Variants in SYNE1 observed in about 807,000 individuals in gnomAD.
The protein encoded by SYNE1 is nesprin-1.
Under a neutral mutation model 1,111.0 loss-of-function variants are expected in SYNE1, and 616 were observed. That is an observed-to-expected ratio of 0.55 (90% CI 0.52 to 0.59). The LOEUF (loss-of-function observed/expected upper bound fraction) is 0.59, where lower values mean the gene tolerates loss of function less well. SYNE1 is among the 20% of genes least tolerant of loss of function. The pLI is 0.00. For missense variants in SYNE1, 10,006 were observed against 10,417.0 expected (o/e 0.96, Z 1.72); for synonymous variants, 3,855 against 3,825.8 (o/e 1.01, Z -0.28).
At chr6:152,451,760 C>T (rs759663132) in intron 25 of SYNE1, among the ~76,000 whole-genome samples, 13 of 151,968 alleles carry the variant, frequency 8.6e-5, no homozygotes, top group Non-Finnish European at 1.3e-4. Flanking sequence ...GGATTATAGG[C>T]GTGAGCCACT....
intron 74 of SYNE1, 143 bp downstream of exon 74, chr6:152,343,938 C>T: frequency 8.5e-7 from 1 of 1,181,996 alleles, no homozygotes; most frequent in Non-Finnish European, 1.2e-6. Flanking sequence ...ACATGAACTC[C>T]ACTAGAGCCA....
Position 152,242,450 on chromosome 6 carries a change from A to C in SYNE1, c.19693-10T>G. 6.2e-7 allele frequency: 1 copy of C among 1,613,848 alleles called. No homozygotes were observed. Reference sequence around the variant, plus strand: ...GCTCATCATACATGTCCTAAGAAGCAGAGACCACAAGACTCACTCTCAATT... The same window carrying C: ...GCTCATCATACATGTCCTAAGAAGCCGAGACCACAAGACTCACTCTCAATT... On this transcript the variant is annotated splice_polypyrimidine_tract_variant and intron_variant, in intron 106 of 145. Coordinates refer to ENST00000367255, the MANE Select transcript of SYNE1 (RefSeq NM_182961.4).
chr6:152,316,380 T>A (rs763076439), intron 87 of SYNE1: 67 of 195,368 alleles, frequency 3.4e-4, no homozygotes, highest in Non-Finnish European at 6.6e-4. Flanking sequence ...ATTATTTACG[T>A]CTTCATACAA....
intron 70 of SYNE1, 136 bp downstream of exon 70, chr6:152,351,891 C>T (rs953296101): frequency 3.9e-6 from 3 of 775,340 alleles, no homozygotes; most frequent in Admixed American, 4.1e-5. Flanking sequence ...CATGGCATCA[C>T]TGGTCAGCTG....
chr6:152,495,867 G>C (rs1438145657), intron 11 of SYNE1, among the ~76,000 whole-genome samples: 1 of 152,218 alleles, frequency 6.6e-6, no homozygotes, highest in African/African-American at 2.4e-5. Flanking sequence ...ATCTGTAAGG[G>C]TGCAACCTTC....
chr6:152,128,637 CTT>C (rs1351559336), intron 145 of SYNE1: 3 of 152,236 alleles, frequency 2.0e-5, no homozygotes, highest in Non-Finnish European at 4.4e-5. Context: ...AACTCAGTCT[CTT>C]TCTCCTCTCA....
intron 73 of SYNE1, among the ~76,000 whole-genome samples, chr6:152,344,930 T>C (rs1406880213): frequency 6.6e-6 from 1 of 152,222 alleles, no homozygotes; most frequent in African/African-American, 2.4e-5. Context: ...GATGTTTCCA[T>C]TTAGGAAAAA....
At chr6:152,517,147 ATTAT>A (rs932715687) in intron 6 of SYNE1, among the ~76,000 whole-genome samples, 2 of 152,334 alleles carry the variant, frequency 1.3e-5, no homozygotes, top group African/African-American at 4.8e-5. Flanking sequence ...AACAATGTAG[ATTAT>A]TTAAGGGCTA....
intron 115 of SYNE1, among the ~76,000 whole-genome samples, chr6:152,228,044 A>C (rs1464485134): frequency 1.3e-5 from 2 of 152,172 alleles, no homozygotes; most frequent in African/African-American, 4.8e-5. Context: ...CTGGGAAAAT[A>C]CTCAAGATTT....
chr6:152,215,413 T>G (rs1040376682), intron 121 of SYNE1, among the ~76,000 whole-genome samples: 4 of 152,170 alleles, frequency 2.6e-5, no homozygotes, highest in African/African-American at 9.6e-5. Flanking sequence ...TACTTGATTT[T>G]TATTACGTGT....
In SYNE1 at chr6:152,207,847, ATTTGAG is replaced by A. The variant is rs1304378983; in HGVS notation, c.22824+119_22824+124del. 4 of 904,222 alleles carry A rather than the reference ATTTGAG, an allele frequency of 4.4e-6. No homozygotes were observed. The East Asian group carries it at 1.0e-4, about 23-fold the overall frequency. 56.0% of individuals were successfully genotyped at this position (904,222 alleles called of 1,614,324 possible). On this transcript the variant is annotated intron_variant, in intron 125 of 145. Coordinates refer to ENST00000367255, the MANE Select transcript of SYNE1 (RefSeq NM_182961.4). The stretch of plus-strand genomic sequence containing the variant: ...AATCATTTTGTATATTTCTGTTGAC[ATTTGAG>A]AACAATGTTTGTCCCAGCTGCAATG...
chr6:152,581,644 T>G (rs1279804741), intron 3 of SYNE1, among the ~76,000 whole-genome samples: 1 of 152,128 alleles, frequency 6.6e-6, no homozygotes, highest in Non-Finnish European at 1.5e-5. Flanking sequence ...CCCTTTCCAG[T>G]TTTAGTGCAA....
chr6:152,366,391 G>A (rs942349002), intron 62 of SYNE1, among the ~76,000 whole-genome samples: 10 of 152,096 alleles, frequency 6.6e-5, no homozygotes, highest in African/African-American at 2.4e-4. Flanking sequence ...GCAGGGCGCA[G>A]TGGCTCACAC....
At chr6:152,553,312 T>C (rs1207784000) in intron 3 of SYNE1, among the ~76,000 whole-genome samples, 2 of 152,162 alleles carry the variant, frequency 1.3e-5, no homozygotes, top group South Asian at 2.1e-4. Context: ...TAACTTTACA[T>C]ATCACAACCT....
At chr6:152,243,140 TG>T (rs981310708) in intron 106 of SYNE1, among the ~76,000 whole-genome samples, 1 of 152,222 alleles carries the variant, frequency 6.6e-6, no homozygotes, top group Admixed American at 6.5e-5. Flanking sequence ...GGGGTAAAAC[TG>T]TTGAAAAACT....
chr6:152,466,375 A>C (rs960479202), intron 16 of SYNE1, among the ~76,000 whole-genome samples: 1 of 152,186 alleles, frequency 6.6e-6, no homozygotes, highest in South Asian at 2.1e-4. Flanking sequence ...ACTTGGGTCT[A>C]ACATTTAGAA....
chr6:152,318,244 T>C lies in SYNE1; in HGVS notation c.16409A>G (p.Asp5470Gly), dbSNP rs747824937. ...TTCCATTAACTTTGAATTACAGCCA[T>C]CTAATTCCTCTCCCAGCACCTTGAT... ...TDQKVLGEEL[D>G]GCNSKLMELD... Residue 5470 changes from aspartate to glycine, a missense_variant, in exon 86 of 146, where the codon GAT becomes GGT. By Grantham distance (94) the Asp-to-Gly change is moderately conservative. Coordinates refer to ENST00000367255, the MANE Select transcript of SYNE1 (RefSeq NM_182961.4). 2.2e-5 allele frequency: 35 copies of C among 1,614,068 alleles called. No homozygotes were observed. The highest frequency in any genetic ancestry group is 2.8e-5 in the Non-Finnish European group (33 of 1,180,036).
At chr6:152,453,331 A>T (rs1593019073) in intron 25 of SYNE1, 1 of 389,754 alleles carries the variant, frequency 2.6e-6, no homozygotes, top group Non-Finnish European at 4.1e-6. Context: ...ACCCTGGATT[A>T]AAAAAAAATC....
intron 92 of SYNE1, 74 bp downstream of exon 92, chr6:152,301,795 C>A (rs1471823534): frequency 6.8e-7 from 1 of 1,473,742 alleles, no homozygotes; most frequent in African/African-American, 1.4e-5. Context: ...AAATCAGCCA[C>A]GGAGAGGGAA....
Sources: gnomAD v4.1 joint callset for allele counts (sites outside exome capture counted in the v4.1 genomes callset) on GRCh38, gnomAD v4.1.1 for gene constraint, MANE v1.5 for transcripts, NCBI Gene and HGNC (gene_info 2026-07-23, HGNC 2026-07-21) for gene names.